Variants in TSBP1 observed in about 807,000 individuals in gnomAD.
TSBP1 encodes the protein testis expressed basic protein 1.
TSBP1 carries 56 observed loss-of-function variants against 68.8 expected under a neutral mutation model. That is an observed-to-expected ratio of 0.81 (90% CI 0.66 to 1.02). The LOEUF is 1.02. Among genes scored for constraint, TSBP1 ranks in the 50% least tolerant of loss-of-function variants. TSBP1 has a pLI of 0.00. For missense variants in TSBP1, 502 were observed against 641.2 expected, an observed-to-expected ratio of 0.78 and a Z score of 2.34; for synonymous variants, 171 against 208.7, an observed-to-expected ratio of 0.82 and a Z score of 1.56.
chr6:32,320,827 T>C (rs903036027), intron 18 of TSBP1, among the ~76,000 whole-genome samples: 29 of 152,128 alleles, frequency 1.9e-4, no homozygotes, highest in African/African-American at 6.8e-4. Context: ...CCTGATCCTC[T>C]CCCGCTCCCA....
rs9366793 is a variant in TSBP1, at chr6:32,333,512, T to C, written c.473-1458A>G. Among the ~76,000 whole-genome samples, 52,161 of 151,960 alleles carry C rather than the reference T, an allele frequency of 0.34. 10,053 individuals are homozygous for C. Among genetic ancestry groups the C allele is most frequent in the Middle Eastern group, 0.52 (154 of 294 alleles). On this transcript the variant is annotated intron_variant, in intron 14 of 22. Coordinates refer to ENST00000612031, the Ensembl canonical transcript of TSBP1. The surrounding 1 kb of genome is among the most constrained non-coding windows in gnomAD (Gnocchi z 4.2). ...ATAGGAGATTTTAGTTCCTGGTGGA[T>C]CTGTGGGGTTTCTAAGCTAGGTCAG...
rs1203683018 is a variant in TSBP1 at position 32,325,020 on chromosome 6, AT to A, written c.515-1407del. Among the ~76,000 whole-genome samples the A allele has an allele frequency of 7.2e-5, 11 of 152,126 alleles. No homozygotes were observed. The highest frequency in any genetic ancestry group is 2.7e-4 in the African/African-American group (11 of 41,504). ...TAGAAAGCAGAAATGGATCTATATC[AT>A]TTTTCTGTCATTTTTTTTCCTTCTG... is the stretch of plus-strand genomic sequence containing the variant. On this transcript the variant is annotated intron_variant, in intron 16 of 22. Transcript: ENST00000612031. This position sits in a 1 kb window ranked among gnomAD's most constrained non-coding sequence, Gnocchi z 4.4.
Position 32,333,415 on chromosome 6 carries a change from C to A in TSBP1, c.473-1361G>T, listed in dbSNP as rs953489980. 5.3e-5 allele frequency among the ~76,000 whole-genome samples: 8 copies of A among 152,170 alleles called. No individual in the cohort carries two copies. Among genetic ancestry groups the A allele is most frequent in the Non-Finnish European group, 1.5e-5 (1 of 68,032 alleles). On this transcript the variant is annotated intron_variant, in intron 14 of 22. Coordinates refer to ENST00000612031, the Ensembl canonical transcript of TSBP1. The surrounding 1 kb of genome is among the most constrained non-coding windows in gnomAD (Gnocchi z 4.2). ...TAAGAAGCCATAACTTTGGGCTTCC[C>A]TGAGTGTAGTGACCCATGTATTTGG...
At chr6:32,293,644 T>A in exon 23 of TSBP1, 1 of 1,612,960 alleles carries the variant, frequency 6.2e-7, no homozygotes, top group South Asian at 1.1e-5. Context: ...TTGGGACACC[T>A]GACTCACTCT....
intron 8 of TSBP1, chr6:32,352,772 G>A (rs1178753519): frequency 6.6e-6 from 1 of 151,670 alleles, no homozygotes; most frequent in African/African-American, 2.4e-5. Flanking sequence ...ATATCAGAGT[G>A]TAGAATTGAA....
intron 22 of TSBP1, 150 bp downstream of exon 25, chr6:32,299,772 G>A (rs1054677295): frequency 1.7e-5 from 11 of 644,018 alleles, no homozygotes; most frequent in Non-Finnish European, 2.7e-5. Context: ...AGTGGAGGGC[G>A]GGGGGGAACC....
intron 18 of TSBP1, among the ~76,000 whole-genome samples, 169 bp downstream of exon 19, chr6:32,322,948 T>C (rs1288662137): frequency 1.3e-5 from 2 of 152,198 alleles, no homozygotes; most frequent in East Asian, 3.9e-4. Flanking sequence ...CAGTTTATTG[T>C]TGATGAATGC....
chr6:32,349,868 G>A, intron 8 of TSBP1, 108 bp from the exon 9 acceptor site: 9 of 1,179,302 alleles, frequency 7.6e-6, no homozygotes, highest in Non-Finnish European at 1.1e-5. Flanking sequence ...GGATAGAAAT[G>A]AGTCACAACT....
intron 19 of TSBP1, among the ~76,000 whole-genome samples, chr6:32,309,752 T>C (rs955573968): frequency 1.1e-5 from 1 of 95,164 alleles, no homozygotes; most frequent in African/African-American, 3.9e-5. Context: ...GTTACAAACA[T>C]TGCAATTATA....
chr6:32,323,177 A>G (rs485774), intron 17 of TSBP1, 40 bp from the exon 19 acceptor site: 520,598 of 1,404,080 alleles, frequency 0.37, 101,871 homozygotes, highest in Middle Eastern at 0.55. Flanking sequence ...TTTCTTTGAA[A>G]GAAACAAGGT....
chr6:32,305,090 A>T (rs1383573359), intron 19 of TSBP1, among the ~76,000 whole-genome samples: 2 of 152,210 alleles, frequency 1.3e-5, no homozygotes, highest in African/African-American at 4.8e-5. Context: ...CCAGGCTAGA[A>T]TGTAACAAGC....
chr6:32,301,532 T>A (rs1185340802), intron 20 of TSBP1, among the ~76,000 whole-genome samples: 1 of 150,006 alleles, frequency 6.7e-6, no homozygotes, highest in Non-Finnish European at 1.5e-5. Flanking sequence ...CTGGGCAACA[T>A]AATGAGATCC....
At chr6:32,311,682 G>GTAGT (rs1766416142) in intron 19 of TSBP1, among the ~76,000 whole-genome samples, 1 of 152,158 alleles carries the variant, frequency 6.6e-6, no homozygotes, top group Non-Finnish European at 1.5e-5. Context: ...AGAGTTGTGA[G>GTAGT]TAGTTAACAA....
At position 32,292,978 on chromosome 6, in the gene TSBP1, T is replaced by A. The variant is rs368726798; in HGVS notation, c.*3A>T. The A allele has an allele frequency of 1.3e-5, 20 of 1,582,460 alleles. No individual in the cohort carries two copies. In the African/African-American group the frequency reaches 2.7e-4, roughly 22 times the overall value. On this transcript the variant is annotated 3_prime_UTR_variant, in exon 23 of 23. Transcript: ENST00000612031. The surrounding 1 kb of genome is among the most constrained non-coding windows in gnomAD (Gnocchi z 4.1). Reference sequence around the variant, plus strand: ...GTCTTATGGGCCTTTAAAAAATTTATCCTTACTCTTCCACTTTTTTGTTGT... The same window carrying A: ...GTCTTATGGGCCTTTAAAAAATTTAACCTTACTCTTCCACTTTTTTGTTGT...
chr6:32,351,158 C>T (rs572717853), intron 8 of TSBP1, among the ~76,000 whole-genome samples: 1 of 152,228 alleles, frequency 6.6e-6, no homozygotes, highest in South Asian at 2.1e-4. Context: ...CCAAAATTCC[C>T]TTGTAGTTAG....
In TSBP1 at chr6:32,343,437, C is replaced by A. The variant is rs1190441343; in HGVS notation, c.350-3799G>T. Among the ~76,000 whole-genome samples the A allele has an allele frequency of 2.0e-5, 3 of 152,290 alleles. No homozygotes were observed. The highest frequency in any genetic ancestry group is 4.4e-5 in the Non-Finnish European group (3 of 68,022). Reference sequence around the variant, plus strand: ...TCCCATGTCTTTTCCCCCTTAGACACTATGCAGGAGTGAAAGTTTCAGGGG... The same window carrying A: ...TCCCATGTCTTTTCCCCCTTAGACAATATGCAGGAGTGAAAGTTTCAGGGG... On this transcript the variant is annotated intron_variant, in intron 9 of 22. Coordinates refer to ENST00000612031, the Ensembl canonical transcript of TSBP1. The surrounding 1 kb of genome is among the most constrained non-coding windows in gnomAD (Gnocchi z 4.3).
At chr6:32,370,523 A>C (rs1774287011) in intron 1 of TSBP1, among the ~76,000 whole-genome samples, 1 of 151,324 alleles carries the variant, frequency 6.6e-6, no homozygotes, top group Non-Finnish European at 1.5e-5. Context: ...TGATCAAAAA[A>C]CTTTCAGCAC....
chr6:32,293,647 C>A, exon 23 of TSBP1: 2 of 1,613,076 alleles, frequency 1.2e-6, no homozygotes, highest in Non-Finnish European at 1.7e-6. Flanking sequence ...GGACACCTGA[C>A]TCACTCTTCT....
chr6:32,345,817 A>G (rs1450769894), intron 9 of TSBP1, among the ~76,000 whole-genome samples: 1 of 152,142 alleles, frequency 6.6e-6, no homozygotes, highest in African/African-American at 2.4e-5. Flanking sequence ...GAGTTATCAC[A>G]GTCCAGTGAA....
Sources: allele counts gnomAD v4.1 joint callset (sites outside exome capture counted in the v4.1 genomes callset), GRCh38; gene constraint gnomAD v4.1.1; non-coding constraint Gnocchi (gnomAD v3.1); transcripts MANE v1.5; gene names NCBI Gene and HGNC (gene_info 2026-07-23, HGNC 2026-07-21).